HEG1: variants seen among roughly 807,000 people sequenced by gnomAD.
HEG1 encodes the protein protein HEG homolog 1.
HEG1 carries 56 observed loss-of-function variants against 125.6 expected under a neutral mutation model. That is an observed-to-expected ratio of 0.45 (90% confidence interval 0.36 to 0.56). HEG1 has a LOEUF of 0.56. HEG1 is among the 20% of genes least tolerant of loss of function. HEG1 has a pLI of 0.00. For synonymous variants in HEG1, 644 were observed against 668.5 expected (o/e 0.96, Z 0.57); for missense variants, 1,523 against 1,670.0 (o/e 0.91, Z 1.53).
rs535934019 is a variant in HEG1, at chr3:124,969,605, T to C, written c.*1047A>G. The C allele has an allele frequency of 2.6e-5, 4 of 152,340 alleles. No homozygotes were observed. Among genetic ancestry groups the C allele is most frequent in the Admixed American group, 2.6e-4 (4 of 15,302 alleles). 9.4% of individuals were successfully genotyped at this position (152,340 alleles called of 1,614,324 possible). ...TGGCTCCATCTCGGCTCCCTGTTCT[T>C]CCTCAGGAATCCACACAGCTTCCCA... On this transcript the variant is annotated 3_prime_UTR_variant, in exon 17 of 17. Transcript: ENST00000311127.
Position 125,002,401 on chromosome 3 carries a change from C to G in HEG1, c.3298-86G>C, listed in dbSNP as rs183100522. On this transcript the variant is annotated intron_variant, in intron 9 of 16. Transcript: ENST00000311127. ...CCAGTTTCCTATTTTCAGGATAAAA[C>G]AGGCATTTTCCAGCCATCAAGTTAT... 905 of 1,212,128 alleles carry G rather than the reference C, an allele frequency of 7.5e-4. 1 individual carries two copies. The highest frequency in any genetic ancestry group is 6.6e-3 in the Middle Eastern group (34 of 5,174). 75.1% of individuals were successfully genotyped at this position (1,212,128 alleles called of 1,614,324 possible). A position where few individuals can be genotyped will look rare whatever the true frequency, so the allele number is the denominator to read the frequency against.
chr3:125,026,375 G>C (rs1937414787), intron 3 of HEG1, among the ~76,000 whole-genome samples: 1 of 152,146 alleles, frequency 6.6e-6, no homozygotes, highest in Non-Finnish European at 1.5e-5. Flanking sequence ...TAGATGACCT[G>C]CTATGATGAG....
intron 1 of HEG1, among the ~76,000 whole-genome samples, chr3:125,030,769 G>A (rs1937487966): frequency 6.6e-6 from 1 of 152,112 alleles, no homozygotes; most frequent in Non-Finnish European, 1.5e-5. Flanking sequence ...GGAGGGTGGG[G>A]GAGGTCATGC....
Position 125,020,792 on chromosome 3 carries a change from T to C in HEG1, c.1252A>G (p.Thr418Ala), listed in dbSNP as rs767796158. Residue 418 changes from threonine (T) to alanine (A), a missense_variant and splice_region_variant, in exon 4 of 17, where the codon ACC becomes GCC. Thr to Ala is a moderately conservative substitution (Grantham distance 58, BLOSUM62 0). Coordinates refer to ENST00000311127, the MANE Select transcript of HEG1 (RefSeq NM_020733.2). Reference sequence around the variant, plus strand: ...GATCAAGTAAAGATGGAATACTTACTTGGGGAATCATTTTGCCAACGCAAA... The same window carrying C: ...GATCAAGTAAAGATGGAATACTTACCTGGGGAATCATTTTGCCAACGCAAA... ...TSLRWQNDSPTFGEHQLASSS... is the reference protein window; with the variant it reads ...TSLRWQNDSPAFGEHQLASSS... 1.2e-6 allele frequency: 2 copies of C among 1,610,636 alleles called. No homozygotes were observed. Among genetic ancestry groups the C allele is most frequent in the Admixed American group, 1.7e-5 (1 of 59,880 alleles).
At chr3:124,987,952 C>CACACACACACACACACAT in intron 14 of HEG1, among the ~76,000 whole-genome samples, 6,873 of 54,156 alleles carry the variant, frequency 0.13, 746 homozygotes, top group Non-Finnish European at 0.2. Flanking sequence ...CACACACACA[C>CACACACACACACACACAT]ATATATATAT....
chr3:125,014,599 G>C, intron 5 of HEG1: 1 of 896,808 alleles, frequency 1.1e-6, no homozygotes, highest in Non-Finnish European at 1.5e-6. Flanking sequence ...TCTCCATAAA[G>C]AGCTTGTAAG....
intron 5 of HEG1, 72 bp downstream of exon 5, chr3:125,019,190 C>T: frequency 7.5e-7 from 1 of 1,338,300 alleles, no homozygotes; most frequent in Non-Finnish European, 1.0e-6. Context: ...TTTAATACGC[C>T]ACAGATTTCA....
Position 125,005,384 on chromosome 3 carries a change from T to C in HEG1, c.3194-16A>G, listed in dbSNP as rs771120975. On this transcript the variant is annotated splice_polypyrimidine_tract_variant and intron_variant, in intron 8 of 16. Transcript: ENST00000311127. ...AAGGTTCTAACTGAAAATGAAAATG[T>C]AACTTGTTAGATTACACAACAGAAG... 1.4e-6 allele frequency: 2 copies of C among 1,416,782 alleles called. No homozygotes were observed. The highest frequency in any genetic ancestry group is 2.0e-6 in the Non-Finnish European group (2 of 1,021,130). The allele number at this position is 1,416,782 out of a possible 1,614,324, so 87.8% of individuals were successfully genotyped here. A position where few individuals can be genotyped will look rare whatever the true frequency, so the allele number is the denominator to read the frequency against.
rs1031982305 is a variant in HEG1 at position 125,019,632 on chromosome 3, T to C, written c.1253-35A>G. 1.2e-5 allele frequency: 18 copies of C among 1,557,084 alleles called. No homozygotes were observed. In the African/African-American group the frequency reaches 2.0e-4, roughly 18 times the overall value. On this transcript the variant is annotated intron_variant, in intron 4 of 16. Coordinates refer to ENST00000311127, the MANE Select transcript of HEG1 (RefSeq NM_020733.2). Reference sequence around the variant, plus strand: ...AATATAGGAAAAAAAGGCCATTACATAGGTATGAAAGAGATCCCTTGGCAA... The same window carrying C: ...AATATAGGAAAAAAAGGCCATTACACAGGTATGAAAGAGATCCCTTGGCAA...
chr3:124,998,529 G>T (rs1163229936), intron 11 of HEG1, among the ~76,000 whole-genome samples: 4 of 152,212 alleles, frequency 2.6e-5, no homozygotes, highest in African/African-American at 9.7e-5. Context: ...CACAGGGACT[G>T]GTTGGTACAC....
intron 14 of HEG1, among the ~76,000 whole-genome samples, chr3:124,984,009 TC>T (rs1936696827): frequency 6.6e-6 from 1 of 152,126 alleles, no homozygotes; most frequent in African/African-American, 2.4e-5. Flanking sequence ...ATTAATAGAT[TC>T]TCCCTCCTTC....
intron 1 of HEG1, among the ~76,000 whole-genome samples, chr3:125,053,778 T>C (rs1222248679): frequency 6.6e-6 from 1 of 152,204 alleles, no homozygotes; most frequent in Non-Finnish European, 1.5e-5. Context: ...CTGTGAGGGA[T>C]GTTTGGGTCA....
intron 3 of HEG1, among the ~76,000 whole-genome samples, chr3:125,026,613 T>C (rs1292855245): frequency 6.6e-6 from 1 of 152,214 alleles, no homozygotes; most frequent in Non-Finnish European, 1.5e-5. Flanking sequence ...GGAAACATTT[T>C]TGCAATAATG....
intron 1 of HEG1, among the ~76,000 whole-genome samples, chr3:125,036,174 C>G (rs1203308555): frequency 7.8e-6 from 1 of 128,852 alleles, no homozygotes; most frequent in East Asian, 2.5e-4. Context: ...GGTGCCACTG[C>G]ACTCTAGCCT....
intron 1 of HEG1, among the ~76,000 whole-genome samples, chr3:125,031,723 C>G (rs1419843161): frequency 2.6e-5 from 4 of 151,146 alleles, no homozygotes. Context: ...CACACACATA[C>G]ACACACAGGC....
rs754630511 is a variant in HEG1 at position 125,029,297 on chromosome 3, T to C, written c.508A>G (p.Arg170Gly). ...CTACTTGAAGAGCCGCTCCTTCCTC[T>C]AGCATCTGCTGTTTCAGCGAGTAGA... ...LTLLAETADA[R>G]GRSGSSSRTN... is the part of the protein sequence containing the mutation. The change falls in exon 2 of 17, where the codon AGA becomes GGA. Residue 170 changes from arginine to glycine, a missense_variant. Physicochemically the swap from Arg to Gly is moderately radical, Grantham distance 125. Transcript: ENST00000311127. 3 of 1,613,994 alleles carry C rather than the reference T, an allele frequency of 1.9e-6. No individual in the cohort carries two copies. The South Asian group carries it at 3.3e-5, about 18-fold the overall frequency.
At chr3:125,033,492 C>T (rs1393273762) in intron 1 of HEG1, among the ~76,000 whole-genome samples, 3 of 152,162 alleles carry the variant, frequency 2.0e-5, no homozygotes, top group African/African-American at 7.2e-5. Flanking sequence ...GCCCTTCAAT[C>T]TTGGTTTCAA....
In HEG1 at chr3:124,997,757, T is replaced by C; in HGVS notation, c.3584A>G (p.Asp1195Gly). The C allele has an allele frequency of 6.3e-7, 1 of 1,599,412 alleles. No individual in the cohort carries two copies. Among genetic ancestry groups the C allele is most frequent in the South Asian group, 1.1e-5 (1 of 88,554 alleles). Residue 1195 changes from aspartate (D) to glycine (G), a missense_variant, in exon 12 of 17, where the codon GAC becomes GGC. Asp to Gly is a moderately conservative substitution (Grantham distance 94). Transcript: ENST00000311127. ...CTTGCACTGGCACAGGGCAACGCCGTCCAGGTCAGTGCAGATGGAGGTGTC... is the reference window on the plus strand; with the variant it reads ...CTTGCACTGGCACAGGGCAACGCCGCCCAGGTCAGTGCAGATGGAGGTGTC... Reference protein sequence around the residue: ...DKDTSICTDLDGVALCQCKSG... With the variant: ...DKDTSICTDLGGVALCQCKSG...
At position 124,966,404 on chromosome 3, in the gene HEG1, T is replaced by C. The variant is rs1242831621; in HGVS notation, c.*4248A>G. The C allele has an allele frequency of 6.6e-6, 1 of 152,206 alleles. No homozygotes were observed. Among genetic ancestry groups the C allele is most frequent in the Admixed American group, 6.5e-5 (1 of 15,282 alleles). 9.4% of individuals were successfully genotyped at this position (152,206 alleles called of 1,614,324 possible). A position where few individuals can be genotyped will look rare whatever the true frequency, so the allele number is the denominator to read the frequency against. On this transcript the variant is annotated 3_prime_UTR_variant, in exon 17 of 17. Coordinates refer to ENST00000311127, the MANE Select transcript of HEG1 (RefSeq NM_020733.2). ...AATTAATTGGCATTTAATACTTTCA[T>C]GTTCCTACTATTTTAGTCAGTTCTC...
Sources: allele counts gnomAD v4.1 joint callset (sites outside exome capture counted in the v4.1 genomes callset), GRCh38; gene constraint gnomAD v4.1.1; transcripts MANE v1.5; gene names NCBI Gene and HGNC (gene_info 2026-07-23, HGNC 2026-07-21).